The following IL1RAP variants were observed in gnomAD, a reference collection of about 807,000 sequenced individuals.
IL1RAP encodes the protein interleukin-1 receptor accessory protein.
A neutral mutation model predicts 60.7 loss-of-function variants in IL1RAP; 35 were observed. The ratio of observed to expected loss-of-function variants is 0.58; its 90% CI spans 0.44 to 0.76. The LOEUF is 0.76. Among genes scored for constraint, IL1RAP ranks in the 30% least tolerant of loss-of-function variants. The pLI, the probability that IL1RAP is intolerant of heterozygous loss-of-function variation, is 0.00. For synonymous variants in IL1RAP, 268 were observed against 250.9 expected, an observed-to-expected ratio of 1.07 and a Z score of -0.64; for missense variants, 572 against 693.9, an observed-to-expected ratio of 0.82 and a Z score of 1.97.
At chr3:190,632,396 T>A (rs1194485988) in intron 9 of IL1RAP, among the ~76,000 whole-genome samples, 1 of 152,252 alleles carries the variant, frequency 6.6e-6, no homozygotes, top group Admixed American at 6.5e-5. Flanking sequence ...AGCTAATATA[T>A]CTTTTTGTGA....
chr3:190,529,371 TG>T (rs1722783344), intron 1 of IL1RAP, among the ~76,000 whole-genome samples: 1 of 147,220 alleles, frequency 6.8e-6, no homozygotes, highest in East Asian at 1.9e-4. Context: ...CTGGCCAACG[TG>T]GTGAAACCCC....
At chr3:190,579,430 A>G (rs1560185645) in intron 3 of IL1RAP, among the ~76,000 whole-genome samples, 2 of 152,176 alleles carry the variant, frequency 1.3e-5, no homozygotes, top group Non-Finnish European at 2.9e-5. Flanking sequence ...CACTTCACAA[A>G]TAAGGAAATA....
At chr3:190,583,213 C>T (rs1728154125) in intron 3 of IL1RAP, among the ~76,000 whole-genome samples, 1 of 152,198 alleles carries the variant, frequency 6.6e-6, no homozygotes, top group Admixed American at 6.5e-5. Context: ...AGAATGAAAG[C>T]TCCATGACAA....
At chr3:190,625,908 A>G in intron 7 of IL1RAP, among the ~76,000 whole-genome samples, 1 of 152,190 alleles carries the variant, frequency 6.6e-6, no homozygotes, top group Non-Finnish European at 1.5e-5. Context: ...TGTTCCCTTT[A>G]TCTTTCTTAG....
chr3:190,578,333 G>A (rs904757825), intron 3 of IL1RAP, among the ~76,000 whole-genome samples: 1 of 152,208 alleles, frequency 6.6e-6, no homozygotes, highest in Admixed American at 6.5e-5. Context: ...GGGATGGCAA[G>A]CAAGAGGCAA....
rs111476167 is a variant in IL1RAP, at chr3:190,609,731, C to T, written c.537+550C>T. ...TTCAAGTCTCCACATACACCAAAGC[C>T]GAAACCCCACGGCCAGAATTTGCAA... On this transcript the variant is annotated intron_variant, in intron 5 of 11. Transcript: ENST00000447382. Among the ~76,000 whole-genome samples the T allele has an allele frequency of 2.1e-3, 326 of 152,204 alleles. 2 individuals carry two copies. The highest frequency in any genetic ancestry group is 7.1e-3 in the African/African-American group (296 of 41,524).
At chr3:190,621,444 A>G (rs1214217813) in intron 6 of IL1RAP, among the ~76,000 whole-genome samples, 3 of 152,222 alleles carry the variant, frequency 2.0e-5, no homozygotes, top group Non-Finnish European at 4.4e-5. Flanking sequence ...AAACAGACTA[A>G]ATTTTAAAAG....
intron 1 of IL1RAP, among the ~76,000 whole-genome samples, chr3:190,530,105 A>G (rs1722865316): frequency 1.3e-5 from 2 of 152,198 alleles, no homozygotes; most frequent in Non-Finnish European, 2.9e-5. Flanking sequence ...AGTGACTTTT[A>G]TCTTAGAGAA....
chr3:190,551,268 G>A lies in IL1RAP; in HGVS notation c.-88-4862G>A, dbSNP rs1023916994. ...GTTGAGCTTGACTCCTTAAAGGGGAGCATATTCTTCAGTCAAACCCTTGGT... is the reference window on the plus strand; with the variant it reads ...GTTGAGCTTGACTCCTTAAAGGGGAACATATTCTTCAGTCAAACCCTTGGT... On this transcript the variant is annotated intron_variant, in intron 1 of 11. Transcript: ENST00000447382. 5.3e-5 allele frequency among the ~76,000 whole-genome samples: 8 copies of A among 152,330 alleles called. No individual in the cohort carries two copies. In the South Asian group the frequency reaches 1.7e-3, roughly 32 times the overall value.
At chr3:190,623,278 G>T in intron 6 of IL1RAP, 66 bp from the exon 7 acceptor site, 2 of 1,214,112 alleles carry the variant, frequency 1.6e-6, no homozygotes, top group South Asian at 2.4e-5. Context: ...ATTCAGAGAA[G>T]AGCAGAATTT....
chr3:190,642,220 T>C (rs1257385849), intron 9 of IL1RAP: 2 of 152,212 alleles, frequency 1.3e-5, no homozygotes, highest in East Asian at 3.8e-4. Context: ...CAGGGTAGAT[T>C]CAGCTTATCT....
chr3:190,622,588 A>G (rs972434045), intron 6 of IL1RAP, among the ~76,000 whole-genome samples: 1 of 152,232 alleles, frequency 6.6e-6, no homozygotes, highest in African/African-American at 2.4e-5. Context: ...GTGATTTGGT[A>G]TAACTGCTCA....
chr3:190,562,688 T>A (rs2108622716), intron 2 of IL1RAP, among the ~76,000 whole-genome samples: 1 of 122,726 alleles, frequency 8.1e-6, no homozygotes, highest in Admixed American at 9.1e-5. Context: ...TCAAAACATA[T>A]CTCGTCCACA....
chr3:190,630,968 A>T (rs60537870), intron 9 of IL1RAP, among the ~76,000 whole-genome samples: 19,619 of 152,202 alleles, frequency 0.13, 2,047 homozygotes, highest in African/African-American at 0.28. Flanking sequence ...ATAAATATGA[A>T]CTCATTATTT....
intron 9 of IL1RAP, among the ~76,000 whole-genome samples, chr3:190,631,227 C>A (rs1252926895): frequency 1.3e-5 from 2 of 151,980 alleles, no homozygotes; most frequent in Non-Finnish European, 2.9e-5. Context: ...AGGGATGTAT[C>A]CTGGGGAATA....
Position 190,648,588 on chromosome 3 carries a change from G to C in IL1RAP, c.1596G>C (p.Lys532Asn), listed in dbSNP as rs1211249957. The stretch of plus-strand genomic sequence containing the variant: ...TTAAATGGAAAGGGGAAAAATCCAA[G>C]TATCCACAGGGCAGGTTCTGGAAGC... The part of the protein sequence containing the change: ...TVIKWKGEKS[K>N]YPQGRFWKQL... The change falls in exon 12 of 12, where the codon AAG (lysine) becomes AAC (asparagine). Residue 532 changes from lysine to asparagine, a missense_variant. Physicochemically the swap from Lys to Asn is moderately conservative, Grantham distance 94 (BLOSUM62 0). Coordinates refer to ENST00000447382, the MANE Select transcript of IL1RAP (RefSeq NM_002182.4). 1 of 1,614,076 alleles carries C rather than the reference G, an allele frequency of 6.2e-7. No homozygotes were observed. The highest frequency in any genetic ancestry group is 8.5e-7 in the Non-Finnish European group (1 of 1,180,044).
At chr3:190,636,675 C>T (rs1733250845) in intron 9 of IL1RAP, among the ~76,000 whole-genome samples, 3 of 151,992 alleles carry the variant, frequency 2.0e-5, no homozygotes, top group Admixed American at 2.0e-4. Flanking sequence ...TACCTATCAG[C>T]ATCTTTATGC....
intron 1 of IL1RAP, among the ~76,000 whole-genome samples, chr3:190,515,381 C>T (rs1315498228): frequency 6.6e-6 from 1 of 152,036 alleles, no homozygotes; most frequent in Admixed American, 6.5e-5. Context: ...CCAATGGCAA[C>T]TATTGTAAAT....
chr3:190,643,753 C>T (rs1376606667), intron 9 of IL1RAP, among the ~76,000 whole-genome samples: 1 of 152,144 alleles, frequency 6.6e-6, no homozygotes, highest in African/African-American at 2.4e-5. Context: ...TTTCATACTA[C>T]ACTAGACAAG....
Sources: allele counts gnomAD v4.1 joint callset (sites outside exome capture counted in the v4.1 genomes callset), GRCh38; gene constraint gnomAD v4.1.1; transcripts MANE v1.5; gene names NCBI Gene and HGNC (gene_info 2026-07-23, HGNC 2026-07-21).